MGAT5: variants seen among roughly 807,000 people sequenced by gnomAD.
MGAT5 encodes the protein alpha-1,6-mannosylglycoprotein 6-beta-N-acetylglucosaminyltransferase A.
MGAT5 carries 30 observed loss-of-function variants against 94.3 expected under a neutral mutation model. The observed-to-expected ratio is 0.32, with a 90% CI of 0.24 to 0.43. MGAT5 has a LOEUF of 0.43. Ranked by LOEUF, MGAT5 falls within the 20% of genes least tolerant of loss-of-function variation. The probability of loss-of-function intolerance (pLI) is 1.00; values close to 1 mark genes in which losing one functional copy is unlikely to be tolerated. For missense variants in MGAT5, 691 were observed against 905.5 expected (o/e 0.76, Z 3.04); for synonymous variants, 310 against 322.9 (o/e 0.96, Z 0.43).
At chr2:134,319,707 T>C in intron 4 of MGAT5, 1 of 400,034 alleles carries the variant, frequency 2.5e-6, no homozygotes, top group Admixed American at 2.9e-5. Flanking sequence ...TACTCATCCA[T>C]GCTGTGGTGG....
At position 134,270,528 on chromosome 2, in the gene MGAT5, A is replaced by C. The variant is rs747678558; in HGVS notation, c.384A>C (p.Ala128=). The C allele has an allele frequency of 3.1e-6, 5 of 1,614,050 alleles. No individual in the cohort carries two copies. Among genetic ancestry groups the C allele is most frequent in the Non-Finnish European group, 3.4e-6 (4 of 1,180,014 alleles). ...CTACAGCTGTTCCCAGCTTGGTTGC[A>C]CTTGAGAAAATTAATGTGGCAGGTA... ...NSTTAVPSLV[A]LEKINVADII... is the part of the protein sequence containing the mutation. The change falls in exon 2 of 16, where the codon GCA becomes GCC. Residue 128 remains alanine (A), a synonymous_variant. Transcript: ENST00000281923.
intron 2 of MGAT5, among the ~76,000 whole-genome samples, chr2:134,277,387 T>A (rs955022939): frequency 6.6e-6 from 1 of 152,076 alleles, no homozygotes. Context: ...ATCAGGAAAC[T>A]TGAATCATAG....
chr2:134,300,522 CT>C (rs1281381500), intron 2 of MGAT5, among the ~76,000 whole-genome samples: 1 of 152,190 alleles, frequency 6.6e-6, no homozygotes, highest in Non-Finnish European at 1.5e-5. Flanking sequence ...AACTAGTTCA[CT>C]GCAAATAGGA....
intron 1 of MGAT5, among the ~76,000 whole-genome samples, chr2:134,267,942 T>C (rs1683818110): frequency 6.6e-6 from 1 of 152,242 alleles, no homozygotes; most frequent in Admixed American, 6.5e-5. Context: ...CAGTGGGGAA[T>C]ACAGAGGGGT....
At chr2:134,410,350 G>GA (rs749952801) in intron 11 of MGAT5, among the ~76,000 whole-genome samples, 3 of 152,124 alleles carry the variant, frequency 2.0e-5, no homozygotes, top group East Asian at 1.9e-4. Context: ...CAGGAAGCAA[G>GA]AAAAAAATTG....
chr2:134,403,752 A>G (rs1043816650), intron 11 of MGAT5, among the ~76,000 whole-genome samples: 4 of 152,238 alleles, frequency 2.6e-5, no homozygotes, highest in African/African-American at 4.8e-5. Flanking sequence ...GGAAAGAGCT[A>G]GAAGCCAACC....
intron 9 of MGAT5, among the ~76,000 whole-genome samples, chr2:134,351,012 G>GT (rs1418086254): frequency 6.6e-6 from 1 of 152,106 alleles, no homozygotes; most frequent in Non-Finnish European, 1.5e-5. Context: ...CTCACTAAAT[G>GT]TAACAGCACA....
intron 1 of MGAT5, among the ~76,000 whole-genome samples, chr2:134,128,221 AAGAG>A (rs1160581605): frequency 3.9e-5 from 6 of 152,044 alleles, no homozygotes; most frequent in Non-Finnish European, 8.8e-5. Context: ...AAAAAAAAAA[AAGAG>A]AGAAAGAGAA....
At chr2:134,192,254 C>A (rs1679261270) in intron 1 of MGAT5, among the ~76,000 whole-genome samples, 1 of 152,076 alleles carries the variant, frequency 6.6e-6, no homozygotes, top group Admixed American at 6.5e-5. Context: ...CCCTTCTTTT[C>A]TCTTCCTCCT....
chr2:134,386,706 A>G (rs749676743), intron 10 of MGAT5, among the ~76,000 whole-genome samples: 3 of 152,204 alleles, frequency 2.0e-5, no homozygotes, highest in Non-Finnish European at 4.4e-5. Flanking sequence ...AGCTGTGTCT[A>G]GTCTTTACCT....
Position 134,246,286 on chromosome 2 carries a change from G to C in MGAT5, c.-142-7976G>C, listed in dbSNP as rs182140382. Among the ~76,000 whole-genome samples, 423 of 152,222 alleles carry C rather than the reference G, an allele frequency of 2.8e-3. 3 individuals are homozygous for C. The highest frequency in any genetic ancestry group is 9.8e-3 in the African/African-American group (408 of 41,528). On this transcript the variant is annotated intron_variant, in intron 1 of 16. Coordinates refer to the MGAT5 transcript ENST00000409645. ...TCCTTTGCTTCCTAGAGCTAGAAGA[G>C]AGTTGGTGGCATCACAGCTGTCAGG...
chr2:134,137,065 A>G (rs965702048), intron 1 of MGAT5, among the ~76,000 whole-genome samples: 4 of 152,208 alleles, frequency 2.6e-5, no homozygotes, highest in Admixed American at 1.3e-4. Flanking sequence ...TTTCAGCTTC[A>G]GTTTCAGTTT....
At chr2:134,167,014 A>G (rs931492570) in intron 1 of MGAT5, among the ~76,000 whole-genome samples, 2 of 152,216 alleles carry the variant, frequency 1.3e-5, no homozygotes, top group African/African-American at 4.8e-5. Context: ...CCTTGTTATG[A>G]CATATGGTAA....
chr2:134,422,008 A>C (rs1684329518), intron 12 of MGAT5, among the ~76,000 whole-genome samples: 1 of 151,884 alleles, frequency 6.6e-6, no homozygotes, highest in Admixed American at 6.6e-5. Context: ...TGTATACAAA[A>C]AAAAAAAAAA....
intron 1 of MGAT5, among the ~76,000 whole-genome samples, chr2:134,257,943 T>G (rs1210796680): frequency 2.0e-5 from 3 of 151,708 alleles, no homozygotes; most frequent in Admixed American, 1.3e-4. Context: ...GATTTGTGTC[T>G]GGTTTAAATG....
chr2:134,335,770 C>T (rs1688298569), intron 4 of MGAT5, among the ~76,000 whole-genome samples: 1 of 152,250 alleles, frequency 6.6e-6, no homozygotes, highest in African/African-American at 2.4e-5. Flanking sequence ...AGTTCTGTGG[C>T]TCCAATGCCA....
At chr2:134,120,220 C>T (rs1182462182) in exon 1 of MGAT5, 1 of 347,038 alleles carries the variant, frequency 2.9e-6, no homozygotes, top group Non-Finnish European at 5.2e-6. Flanking sequence ...GGCGTCGCGA[C>T]CTCGCGCCTC....
intron 1 of MGAT5, among the ~76,000 whole-genome samples, chr2:134,162,753 A>G (rs1012427867): frequency 1.3e-5 from 2 of 152,210 alleles, no homozygotes; most frequent in African/African-American, 4.8e-5. Flanking sequence ...GATGCCTACT[A>G]TGCACCAGAC....
At chr2:134,427,658 C>T (rs1313024717) in intron 13 of MGAT5, among the ~76,000 whole-genome samples, 1 of 152,208 alleles carries the variant, frequency 6.6e-6, no homozygotes, top group Non-Finnish European at 1.5e-5. Context: ...AGGATGTCTT[C>T]AGCATCTTGG....
Sources: allele counts gnomAD v4.1 joint callset (sites outside exome capture counted in the v4.1 genomes callset), GRCh38; gene constraint gnomAD v4.1.1; transcripts MANE v1.5; gene names NCBI Gene and HGNC (gene_info 2026-07-23, HGNC 2026-07-21).